The following CCDC88C variants were observed in gnomAD, a reference collection of about 807,000 sequenced individuals.
The protein encoded by CCDC88C is protein Daple.
A neutral mutation model predicts 198.8 loss-of-function variants in CCDC88C; 131 were observed. The observed-to-expected ratio is 0.66, with a 90% CI of 0.57 to 0.76. The LOEUF (loss-of-function observed/expected upper bound fraction) is 0.76, where lower values mean the gene tolerates loss of function less well. Ranked by LOEUF, CCDC88C falls within the 30% of genes least tolerant of loss-of-function variation. The pLI is 0.00. For missense variants in CCDC88C, 2,553 were observed against 2,631.6 expected (o/e 0.97, Z 0.65); for synonymous variants, 1,166 against 1,114.7 (o/e 1.05, Z -0.92).
In CCDC88C at chr14:91,416,796, G is replaced by C; in HGVS notation, c.103C>G (p.Leu35Val). Residue 35 changes from leucine (L) to valine (V), a missense_variant, in exon 2 of 30, where the codon CTG becomes GTG. Around this residue, in one of 2 missense-constraint regions of CCDC88C, gnomAD observed 1,260 missense variants for 1,412.0 expected, o/e 0.89. Transcript: ENST00000389857. ...GPFGSGSQDNLTMYMDLVDGI... is the reference protein window; with the variant it reads ...GPFGSGSQDNVTMYMDLVDGI... ...TCCACTAAATCCATGTACATAGTCAGGTTGTCCTGGCTGCCGCTTCCAAAC... is the reference window on the plus strand; with the variant it reads ...TCCACTAAATCCATGTACATAGTCACGTTGTCCTGGCTGCCGCTTCCAAAC... 5 of 1,613,714 alleles carry C rather than the reference G, an allele frequency of 3.1e-6. No individual in the cohort carries two copies. Among genetic ancestry groups the C allele is most frequent in the Middle Eastern group, 1.6e-4 (1 of 6,062 alleles).
At chr14:91,300,753 G>A (rs1356167614) in intron 20 of CCDC88C, among the ~76,000 whole-genome samples, 1 of 152,158 alleles carries the variant, frequency 6.6e-6, no homozygotes, top group East Asian at 1.9e-4. Flanking sequence ...CGGCTGCACT[G>A]GCCATCTCTT....
intron 17 of CCDC88C, 51 bp downstream of exon 17, chr14:91,308,300 G>A (rs1891647631): frequency 6.2e-7 from 1 of 1,606,184 alleles, no homozygotes; most frequent in Non-Finnish European, 8.5e-7. Context: ...GCTGGAAAGG[G>A]TGAGGCTGAG....
chr14:91,289,069 T>TC, intron 25 of CCDC88C, 36 bp downstream of exon 25: 1 of 1,568,224 alleles, frequency 6.4e-7, no homozygotes, highest in African/African-American at 1.3e-5. Context: ...GACACCCCCT[T>TC]CCTCACCCGA....
chr14:91,275,347 T>A (rs1889908830), intron 29 of CCDC88C, among the ~76,000 whole-genome samples: 1 of 152,056 alleles, frequency 6.6e-6, no homozygotes, highest in Non-Finnish European at 1.5e-5. Flanking sequence ...AGGACCTGCC[T>A]GCCAGATCTC....
At position 91,303,905 on chromosome 14, in the gene CCDC88C, G is replaced by A. The variant is rs1891447506; in HGVS notation, c.3431C>T (p.Thr1144Met). The A allele has an allele frequency of 1.2e-6, 2 of 1,612,534 alleles. No individual in the cohort carries two copies. Among genetic ancestry groups the A allele is most frequent in the Non-Finnish European group, 8.5e-7 (1 of 1,179,886 alleles). Residue 1144 changes from threonine to methionine, a missense_variant, in exon 20 of 30, where the codon ACG becomes ATG. By Grantham distance (81) the Thr-to-Met change is moderately conservative. Around this residue, in one of 2 missense-constraint regions of CCDC88C, gnomAD observed 1,293 missense variants for 1,219.6 expected, o/e 1.06. Coordinates refer to ENST00000389857, the MANE Select transcript of CCDC88C (RefSeq NM_001080414.4). ...GCTTTCGTTCTCCGTCTCCTTGGCCGTGTGGTGGTTCTGCAGCAGCGTGTA... is the reference window on the plus strand; with the variant it reads ...GCTTTCGTTCTCCGTCTCCTTGGCCATGTGGTGGTTCTGCAGCAGCGTGTA... The part of the protein sequence containing the change: ...AQYTLLQNHH[T>M]AKETENESLQ...
chr14:91,353,018 CGA>C (rs57978258), intron 4 of CCDC88C, among the ~76,000 whole-genome samples: 4,772 of 152,268 alleles, frequency 0.031, 260 homozygotes, highest in African/African-American at 0.11. Context: ...GTGTGGGCTA[CGA>C]GAGAGAGGTT....
chr14:91,379,838 C>A lies in CCDC88C; in HGVS notation c.271-20127G>T, dbSNP rs1044363276. 3 of 702,928 alleles carry A rather than the reference C, an allele frequency of 4.3e-6. No individual in the cohort carries two copies. The African/African-American group carries it at 5.2e-5, about 12-fold the overall frequency. The allele number at this position is 702,928 out of a possible 1,614,324, so 43.5% of individuals were successfully genotyped here. The stretch of plus-strand genomic sequence containing the variant: ...TTTGAAGCCAATGCGAAAACTCAAA[C>A]GCTGTGTCTGCCCGCAAGAAGTTTA... On this transcript the variant is annotated intron_variant, in intron 3 of 29. Coordinates refer to ENST00000389857, the MANE Select transcript of CCDC88C (RefSeq NM_001080414.4).
intron 24 of CCDC88C, among the ~76,000 whole-genome samples, chr14:91,290,411 G>A (rs1399767986): frequency 1.3e-5 from 2 of 152,258 alleles, no homozygotes; most frequent in African/African-American, 4.8e-5. Context: ...GGCTGGGCCA[G>A]GACAATCCGA....
At chr14:91,279,128 G>A in intron 28 of CCDC88C, 110 bp downstream of exon 28, 1 of 858,484 alleles carries the variant, frequency 1.2e-6, no homozygotes, top group Non-Finnish European at 1.9e-6. Flanking sequence ...TCTAACTCCT[G>A]GGCTCAAGCG....
intron 3 of CCDC88C, among the ~76,000 whole-genome samples, chr14:91,383,160 T>C (rs1420772043): frequency 6.6e-6 from 1 of 152,164 alleles, no homozygotes; most frequent in Non-Finnish European, 1.5e-5. Flanking sequence ...CTCCTCACCA[T>C]CTGTAGACTT....
At chr14:91,302,991 C>T (rs1008571530) in intron 20 of CCDC88C, among the ~76,000 whole-genome samples, 2 of 152,230 alleles carry the variant, frequency 1.3e-5, no homozygotes, top group Admixed American at 1.3e-4. Flanking sequence ...GCCCCTCTTA[C>T]TACTGTCTTC....
Position 91,291,040 on chromosome 14 carries a change from T to C in CCDC88C, c.4157A>G (p.Glu1386Gly). 1 of 1,591,344 alleles carries C rather than the reference T, an allele frequency of 6.3e-7. No homozygotes were observed. Among genetic ancestry groups the C allele is most frequent in the East Asian group, 2.2e-5 (1 of 44,594 alleles). ...ALRRHKEKLE[E>G]KIMDQYKFYD... ...GAACTTGTATTGATCCATGATTTTT[T>C]CTTCCAGCTTTTCCTTATGTCTTCG... The change falls in exon 24 of 30, where the codon GAA becomes GGA. Residue 1386 changes from glutamate to glycine, a missense_variant. Glu to Gly is a moderately conservative substitution (Grantham distance 98). Around this residue, in one of 2 missense-constraint regions of CCDC88C, gnomAD observed 1,293 missense variants for 1,219.6 expected, o/e 1.06. Transcript: ENST00000389857.
At position 91,338,176 on chromosome 14, in the gene CCDC88C, C is replaced by T; in HGVS notation, c.892-13G>A. Reference sequence around the variant, plus strand: ...CTAGCTGGATGTTCTGCAAGGTGGACAAAGGCAGGAGAACCTAGCTTAGGG... The same window carrying T: ...CTAGCTGGATGTTCTGCAAGGTGGATAAAGGCAGGAGAACCTAGCTTAGGG... On this transcript the variant is annotated splice_polypyrimidine_tract_variant and intron_variant, in intron 9 of 29. Coordinates refer to ENST00000389857, the MANE Select transcript of CCDC88C (RefSeq NM_001080414.4). The surrounding 1 kb of genome is among the most constrained non-coding windows in gnomAD (Gnocchi z 4.8). 2 of 1,612,676 alleles carry T rather than the reference C, an allele frequency of 1.2e-6. No homozygotes were observed. The highest frequency in any genetic ancestry group is 1.7e-6 in the Non-Finnish European group (2 of 1,179,022).
chr14:91,386,143 C>T (rs374319825), intron 3 of CCDC88C, among the ~76,000 whole-genome samples: 11 of 152,020 alleles, frequency 7.2e-5, no homozygotes, highest in African/African-American at 2.4e-4. Context: ...GATGAGCCAA[C>T]AATTTAAAAA....
chr14:91,403,125 A>G (rs1886302978), intron 3 of CCDC88C, among the ~76,000 whole-genome samples: 1 of 152,244 alleles, frequency 6.6e-6, no homozygotes, highest in Non-Finnish European at 1.5e-5. Context: ...CAGCCCGCCC[A>G]GAGAGACGGC....
chr14:91,397,551 C>T (rs1330367358), intron 3 of CCDC88C, among the ~76,000 whole-genome samples: 1 of 152,236 alleles, frequency 6.6e-6, no homozygotes, highest in Non-Finnish European at 1.5e-5. Context: ...CTGCTAATTA[C>T]ATCAAACCCA....
At chr14:91,326,852 G>A (rs1892604994) in intron 10 of CCDC88C, among the ~76,000 whole-genome samples, 1 of 152,186 alleles carries the variant, frequency 6.6e-6, no homozygotes, top group East Asian at 1.9e-4. Context: ...AAAAGTTCTT[G>A]GCAGTTTCCT....
At chr14:91,343,563 G>T (rs1165911378) in intron 5 of CCDC88C, 36 bp downstream of exon 5, 1 of 1,612,574 alleles carries the variant, frequency 6.2e-7, no homozygotes, top group African/African-American at 1.3e-5. Context: ...GATGGCTGGG[G>T]TAGGTCCCTC....
chr14:91,272,388 A>G lies in CCDC88C; in HGVS notation c.*237T>C, dbSNP rs770711787. On this transcript the variant is annotated 3_prime_UTR_variant, in exon 30 of 30. Coordinates refer to ENST00000389857, the MANE Select transcript of CCDC88C (RefSeq NM_001080414.4). The stretch of plus-strand genomic sequence containing the variant: ...CATGCTGACGTGGATTATTTGTTCC[A>G]AAGATATCAGCTGCTGGAAGCGGCA... 3.7e-6 allele frequency: 2 copies of G among 544,448 alleles called. No homozygotes were observed. Among genetic ancestry groups the G allele is most frequent in the Non-Finnish European group, 6.5e-6 (2 of 309,498 alleles). The allele number at this position is 544,448 out of a possible 1,614,324, so 33.7% of individuals were successfully genotyped here. A position where few individuals can be genotyped will look rare whatever the true frequency, so the allele number is the denominator to read the frequency against.
Sources: gnomAD v4.1 joint callset for allele counts (sites outside exome capture counted in the v4.1 genomes callset) on GRCh38, gnomAD v4.1.1 for gene constraint, gnomAD v4.1.1 regional missense constraint, Gnocchi (gnomAD v3.1) non-coding constraint, MANE v1.5 for transcripts, NCBI Gene and HGNC (gene_info 2026-07-23, HGNC 2026-07-21) for gene names.